The following PAK1 variants were observed in gnomAD, a reference collection of about 807,000 sequenced individuals.
PAK1 encodes the protein p21 (RAC1) activated kinase 1.
Under a neutral mutation model 67.4 loss-of-function variants are expected in PAK1, and 29 were observed. The ratio of observed to expected loss-of-function variants is 0.43; its 90% CI spans 0.32 to 0.59. The LOEUF (loss-of-function observed/expected upper bound fraction) is 0.59, where lower values mean the gene tolerates loss of function less well. Among genes scored for constraint, PAK1 ranks in the 20% least tolerant of loss-of-function variants. PAK1 has a pLI of 0.07. For synonymous variants in PAK1, 223 were observed against 237.4 expected (o/e 0.94, Z 0.56); for missense variants, 337 against 670.7 (o/e 0.50, Z 5.50).
At chr11:77,503,690 C>A in the PAK1 span, among the ~76,000 whole-genome samples, 7 of 152,076 alleles carry the variant, frequency 4.6e-5, no homozygotes, top group Admixed American at 4.6e-4. Flanking sequence ...AAATGAGATT[C>A]CACCTCTATA....
At chr11:77,456,876 G>T (rs1281025253) in intron 1 of PAK1, among the ~76,000 whole-genome samples, 3 of 151,994 alleles carry the variant, frequency 2.0e-5, no homozygotes, top group Non-Finnish European at 4.4e-5. Context: ...CGAGTACCTG[G>T]GACTACAGGC....
At chr11:77,499,795 G>GCA in the PAK1 span, among the ~76,000 whole-genome samples, 474 of 151,508 alleles carry the variant, frequency 3.1e-3, 2 homozygotes, top group Middle Eastern at 0.01. Context: ...TGCTGACACT[G>GCA]CACACACACA....
intron 1 of PAK1, among the ~76,000 whole-genome samples, chr11:77,417,988 G>A (rs1237443942): frequency 2.0e-5 from 3 of 151,838 alleles, no homozygotes; most frequent in African/African-American, 7.3e-5. Context: ...TACCTGCCTC[G>A]GCCTCCCAAA....
intron 9 of PAK1, among the ~76,000 whole-genome samples, chr11:77,347,344 C>A (rs559265000): frequency 6.6e-6 from 1 of 152,180 alleles, no homozygotes; most frequent in Admixed American, 6.5e-5. Context: ...TCTTGCGGCC[C>A]AAAACACACA....
intron 1 of PAK1, among the ~76,000 whole-genome samples, chr11:77,395,601 G>GACAC (rs903509135): frequency 2.0e-5 from 3 of 151,320 alleles, no homozygotes; most frequent in African/African-American, 7.3e-5. Context: ...CACACACACA[G>GACAC]ACACACACAC....
At chr11:77,480,638 C>T in the PAK1 span, among the ~76,000 whole-genome samples, 8 of 152,020 alleles carry the variant, frequency 5.3e-5, no homozygotes, top group East Asian at 5.8e-4. Context: ...GTTCTGCTGC[C>T]GCAGCCTCCC....
At chr11:77,401,598 A>G (rs1952695489) in intron 1 of PAK1, among the ~76,000 whole-genome samples, 1 of 152,048 alleles carries the variant, frequency 6.6e-6, no homozygotes, top group African/African-American at 2.4e-5. Flanking sequence ...TATTCCCTAA[A>G]CATGTCATTC....
chr11:77,337,242 T>C (rs1942854366), intron 12 of PAK1, 82 bp downstream of exon 12: 2 of 622,264 alleles, frequency 3.2e-6, no homozygotes, highest in Non-Finnish European at 5.7e-6. Flanking sequence ...AGTGTCGTAG[T>C]TACTATTATA....
At chr11:77,475,411 A>G (rs1160663562), upstream of PAK1, 2 of 152,186 alleles carry the variant, frequency 1.3e-5, no homozygotes, top group African/African-American at 4.8e-5. Flanking sequence ...CACAAATCTG[A>G]TGATGTCCTC....
At chr11:77,479,003 T>C (rs1958089356), upstream of PAK1, among the ~76,000 whole-genome samples, 1 of 147,952 alleles carries the variant, frequency 6.8e-6, no homozygotes, top group Admixed American at 6.9e-5. Context: ...GAGAATGGCA[T>C]GAACCCAAGA....
At chr11:77,424,110 T>A (rs187613418) in intron 1 of PAK1, among the ~76,000 whole-genome samples, 6 of 152,306 alleles carry the variant, frequency 3.9e-5, no homozygotes, top group African/African-American at 1.2e-4. Flanking sequence ...CTACTTCTCA[T>A]CATTACATGC....
intron 1 of PAK1, among the ~76,000 whole-genome samples, chr11:77,438,072 G>A (rs1956206163): frequency 6.6e-6 from 1 of 151,900 alleles, no homozygotes; most frequent in African/African-American, 2.4e-5. Flanking sequence ...CATCATCAGA[G>A]GTCAAACACA....
At chr11:77,424,355 C>T (rs1325382555) in intron 1 of PAK1, among the ~76,000 whole-genome samples, 1 of 152,192 alleles carries the variant, frequency 6.6e-6, no homozygotes, top group Non-Finnish European at 1.5e-5. Context: ...GCCTATGCCC[C>T]AGAAGCAAGG....
At chr11:77,331,612 A>G (rs976698216) in intron 14 of PAK1, among the ~76,000 whole-genome samples, 2 of 152,170 alleles carry the variant, frequency 1.3e-5, no homozygotes, top group African/African-American at 4.8e-5. Context: ...AGGAAGGGGA[A>G]CATCACACAC....
intron 8 of PAK1, among the ~76,000 whole-genome samples, chr11:77,351,999 T>C (rs1365793510): frequency 2.0e-5 from 3 of 152,142 alleles, no homozygotes; most frequent in Non-Finnish European, 2.9e-5. Context: ...GATTCCCTCA[T>C]GACTATTCCT....
intron 1 of PAK1, among the ~76,000 whole-genome samples, chr11:77,470,941 C>G (rs1196548043): frequency 6.6e-6 from 1 of 152,134 alleles, no homozygotes; most frequent in African/African-American, 2.4e-5. Context: ...AAATGAATCC[C>G]CCAAAAATGT....
At chr11:77,348,395 A>G (rs534918721) in intron 9 of PAK1, among the ~76,000 whole-genome samples, 2 of 152,384 alleles carry the variant, frequency 1.3e-5, no homozygotes, top group East Asian at 1.9e-4. Flanking sequence ...TCTACTGAAT[A>G]TAAGACCTTG....
At chr11:77,523,522 C>T in the PAK1 span, among the ~76,000 whole-genome samples, 4 of 151,478 alleles carry the variant, frequency 2.6e-5, no homozygotes, top group South Asian at 2.1e-4. Context: ...CAGATTCAAG[C>T]GATTTTCCTG....
chr11:77,331,713 C>G (rs1364690673), intron 14 of PAK1, among the ~76,000 whole-genome samples: 1 of 151,106 alleles, frequency 6.6e-6, no homozygotes, highest in Non-Finnish European at 1.5e-5. Flanking sequence ...TACAGCACAC[C>G]AACATGGTAC....
Sources: allele counts gnomAD v4.1 joint callset (sites outside exome capture counted in the v4.1 genomes callset), GRCh38; gene constraint gnomAD v4.1.1; transcripts MANE v1.5; gene names NCBI Gene and HGNC (gene_info 2026-07-23, HGNC 2026-07-21).